RAB28: variants seen among roughly 807,000 people sequenced by gnomAD.
RAB28 encodes RAB28, member RAS oncogene family.
In RAB28, 24 loss-of-function variants were observed where a neutral mutation model predicts 31.7. The ratio of observed to expected loss-of-function variants is 0.76; its 90% CI spans 0.55 to 1.06. The LOEUF (loss-of-function observed/expected upper bound fraction) is 1.06. Among genes scored for constraint, RAB28 ranks in the 50% least tolerant of loss-of-function variants. RAB28 has a pLI of 0.00. For synonymous variants in RAB28, 100 were observed against 90.4 expected, an observed-to-expected ratio of 1.11 and a Z score of -0.60; for missense variants, 254 against 258.5, an observed-to-expected ratio of 0.98 and a Z score of 0.12.
intron 6 of RAB28, among the ~76,000 whole-genome samples, chr4:13,373,635 T>C (rs1288982446): frequency 6.6e-6 from 1 of 152,156 alleles, no homozygotes; most frequent in African/African-American, 2.4e-5. Context: ...CTTGCAAAGC[T>C]TGCAAAGTGT....
intron 4 of RAB28, among the ~76,000 whole-genome samples, chr4:13,407,140 G>A (rs1207100045): frequency 6.6e-6 from 1 of 152,162 alleles, no homozygotes; most frequent in Non-Finnish European, 1.5e-5. Flanking sequence ...ATGGTTTTAG[G>A]TCTAACATTT....
intron 3 of RAB28, among the ~76,000 whole-genome samples, chr4:13,466,024 A>G (rs184195927): frequency 8.2e-4 from 125 of 152,168 alleles, no homozygotes; most frequent in African/African-American, 2.9e-3. Context: ...ATCCACATGC[A>G]GAACAAAATT....
chr4:13,393,717 T>C (rs1370981934), intron 4 of RAB28, among the ~76,000 whole-genome samples: 3 of 151,926 alleles, frequency 2.0e-5, no homozygotes, highest in Admixed American at 6.6e-5. Context: ...TATCATAACT[T>C]TAAAAATAGA....
rs117789717 is a variant in RAB28, at chr4:13,376,827, C to G, written c.496-205G>C. ...AATTATAAAGCCATAATTTAAAACT[C>G]CATGCAATTCAATGAATTGATCATT... On this transcript the variant is annotated intron_variant, in intron 5 of 6. Coordinates refer to ENST00000330852, the MANE Select transcript of RAB28 (RefSeq NM_001017979.3). Among the ~76,000 whole-genome samples the G allele has an allele frequency of 2.9e-3, 436 of 152,134 alleles. 5 individuals are homozygous for G. Among genetic ancestry groups the G allele is most frequent in the Admixed American group, 0.018 (282 of 15,278 alleles).
intron 2 of RAB28, among the ~76,000 whole-genome samples, chr4:13,479,195 T>C (rs1230053989): frequency 6.6e-6 from 1 of 151,704 alleles, no homozygotes; most frequent in African/African-American, 2.4e-5. Flanking sequence ...TCAAAAAATG[T>C]ATAGTAGCCA....
intron 6 of RAB28, chr4:13,371,681 A>G (rs1728718457): frequency 4.5e-5 from 67 of 1,498,670 alleles, no homozygotes; most frequent in Non-Finnish European, 5.8e-5. Context: ...CTATGATTAG[A>G]AAAACATAAT....
chr4:13,459,432 AACTGCCTAAC>A (rs1165101571), intron 4 of RAB28, among the ~76,000 whole-genome samples: 1 of 152,216 alleles, frequency 6.6e-6, no homozygotes, highest in Non-Finnish European at 1.5e-5. Context: ...CACACAATGA[AACTGCCTAAC>A]AATACACTTC....
In RAB28 at chr4:13,392,651, A is replaced by G. The variant is rs1424386571; in HGVS notation, c.392-11057T>C. 3.3e-5 allele frequency among the ~76,000 whole-genome samples: 5 copies of G among 152,320 alleles called. No individual in the cohort carries two copies. The South Asian group carries it at 1.0e-3, about 32-fold the overall frequency. On this transcript the variant is annotated intron_variant, in intron 4 of 6. Coordinates refer to ENST00000330852, the MANE Select transcript of RAB28 (RefSeq NM_001017979.3). ...TCTCTTGTTAATAATAAGGTATTGT[A>G]TTCTTGGAAGTTGCTAAGAGAATAG... is the stretch of plus-strand genomic sequence containing the variant.
At chr4:13,409,379 A>T (rs551522784) in intron 4 of RAB28, among the ~76,000 whole-genome samples, 1 of 152,320 alleles carries the variant, frequency 6.6e-6, no homozygotes, top group South Asian at 2.1e-4. Context: ...AGCATAACGT[A>T]AAAATATGTC....
intron 3 of RAB28, among the ~76,000 whole-genome samples, chr4:13,469,604 A>G (rs1174688446): frequency 6.6e-6 from 1 of 152,032 alleles, no homozygotes; most frequent in Non-Finnish European, 1.5e-5. Context: ...TTTATATAGT[A>G]CTTCGTTTTC....
At chr4:13,438,797 T>C (rs1052915658) in intron 4 of RAB28, among the ~76,000 whole-genome samples, 2 of 150,872 alleles carry the variant, frequency 1.3e-5, no homozygotes, top group Non-Finnish European at 2.9e-5. Context: ...AGTAGAACTG[T>C]TAGGTCATAA....
chr4:13,418,535 T>C (rs573180615), intron 4 of RAB28, among the ~76,000 whole-genome samples: 1 of 152,130 alleles, frequency 6.6e-6, no homozygotes, highest in Non-Finnish European at 1.5e-5. Flanking sequence ...GGGAAGCCCA[T>C]CAGCTAACAG....
intron 4 of RAB28, among the ~76,000 whole-genome samples, chr4:13,394,527 C>T (rs1253782272): frequency 6.6e-6 from 1 of 152,118 alleles, no homozygotes; most frequent in East Asian, 1.9e-4. Context: ...AGTAGCAGTC[C>T]ATGGCCCAGG....
intron 4 of RAB28, among the ~76,000 whole-genome samples, chr4:13,398,073 T>C (rs1711524520): frequency 6.6e-6 from 1 of 152,090 alleles, no homozygotes; most frequent in Non-Finnish European, 1.5e-5. Context: ...TCCCTTTTAG[T>C]AATGGATAAT....
intron 4 of RAB28, among the ~76,000 whole-genome samples, chr4:13,414,713 C>T (rs372298099): frequency 9.9e-5 from 15 of 152,074 alleles, no homozygotes; most frequent in African/African-American, 3.4e-4. Flanking sequence ...TTGTATCTAG[C>T]AGTATATAAA....
intron 4 of RAB28, among the ~76,000 whole-genome samples, chr4:13,418,083 G>A (rs919031084): frequency 6.6e-6 from 1 of 152,114 alleles, no homozygotes; most frequent in Admixed American, 6.5e-5. Context: ...TGAAAACCAG[G>A]GCACAAGAAC....
chr4:13,402,121 C>T (rs547974728), intron 4 of RAB28, among the ~76,000 whole-genome samples: 2 of 152,246 alleles, frequency 1.3e-5, no homozygotes, highest in East Asian at 3.9e-4. Flanking sequence ...ACATTAAATT[C>T]TTTTAAATTT....
intron 4 of RAB28, among the ~76,000 whole-genome samples, chr4:13,439,274 ATTTT>A (rs1158136398): frequency 6.6e-6 from 1 of 151,930 alleles, no homozygotes; most frequent in Non-Finnish European, 1.5e-5. Flanking sequence ...TTGATGTAAT[ATTTT>A]TTTCTTTGGT....
Position 13,432,402 on chromosome 4 carries a change from C to T in RAB28, c.391+28297G>A, listed in dbSNP as rs116140315. On this transcript the variant is annotated intron_variant, in intron 4 of 6. Transcript: ENST00000330852. ...ATTCAGGAAAATTTCCCTAATCTTG[C>T]AAGAGAGGTCAACATCCAGAGAAAG... 9.5e-3 allele frequency among the ~76,000 whole-genome samples: 1,442 copies of T among 152,056 alleles called. 24 individuals carry two copies. Among genetic ancestry groups the T allele is most frequent in the African/African-American group, 0.033 (1,364 of 41,492 alleles).
Sources: gnomAD v4.1 joint callset for allele counts (sites outside exome capture counted in the v4.1 genomes callset) on GRCh38, gnomAD v4.1.1 for gene constraint, MANE v1.5 for transcripts, NCBI Gene and HGNC (gene_info 2026-07-23, HGNC 2026-07-21) for gene names.